The following KIAA1549 variants were observed in gnomAD, a reference collection of about 807,000 sequenced individuals.
The protein encoded by KIAA1549 is UPF0606 protein KIAA1549.
In KIAA1549, 70 loss-of-function variants were observed where a neutral mutation model predicts 156.4. That is an observed-to-expected ratio of 0.45 (90% CI 0.37 to 0.55). The LOEUF (loss-of-function observed/expected upper bound fraction) is 0.55. KIAA1549 is among the 20% of genes least tolerant of loss of function. The probability of loss-of-function intolerance (pLI) is 0.00; values close to 1 mark genes in which losing one functional copy is unlikely to be tolerated. For synonymous variants in KIAA1549, 1,103 were observed against 1,066.4 expected, an observed-to-expected ratio of 1.03 and a Z score of -0.67; for missense variants, 2,428 against 2,540.9, an observed-to-expected ratio of 0.96 and a Z score of 0.96.
chr7:138,875,145 T>G (rs148362864), intron 12 of KIAA1549, among the ~76,000 whole-genome samples: 3 of 152,322 alleles, frequency 2.0e-5, no homozygotes, highest in African/African-American at 7.2e-5. Flanking sequence ...AATGATAACT[T>G]TGTCTGTGGT....
rs181773913 is a variant in KIAA1549 at position 138,951,601 on chromosome 7, G to T, written c.187+29482C>A. On this transcript the variant is annotated intron_variant, in intron 1 of 19. Coordinates refer to ENST00000422774, the MANE Select transcript of KIAA1549 (RefSeq NM_001164665.2). ...GCTATAAACCCACTTGTCAGATGACGACACCTGCTTTCCCCATAAAACTAG... is the reference window on the plus strand; with the variant it reads ...GCTATAAACCCACTTGTCAGATGACTACACCTGCTTTCCCCATAAAACTAG... 2.0e-5 allele frequency among the ~76,000 whole-genome samples: 3 copies of T among 152,214 alleles called. No individual in the cohort carries two copies. In the South Asian group the frequency reaches 6.2e-4, roughly 32 times the overall value.
intron 1 of KIAA1549, among the ~76,000 whole-genome samples, chr7:138,954,435 T>C (rs1813600226): frequency 6.6e-6 from 1 of 152,178 alleles, no homozygotes; most frequent in Non-Finnish European, 1.5e-5. Flanking sequence ...AGACCTGAAC[T>C]GCCAAACTAA....
intron 14 of KIAA1549, among the ~76,000 whole-genome samples, chr7:138,869,093 G>A (rs1013388097): frequency 3.9e-5 from 6 of 152,192 alleles, no homozygotes; most frequent in African/African-American, 7.2e-5. Context: ...GAAAACCAAC[G>A]AAGATCTGCT....
At chr7:138,856,074 C>T (rs1810381813) in intron 16 of KIAA1549, among the ~76,000 whole-genome samples, 1 of 151,272 alleles carries the variant, frequency 6.6e-6, no homozygotes. Flanking sequence ...CTCTTCCACC[C>T]AGGCCGGACT....
rs1814535932 is a variant in KIAA1549, at chr7:138,981,152, G to A, written c.118C>T (p.Arg40Cys). Reference protein sequence around the residue: ...RRPSARCARRRRPGLLLPGLW... With the variant: ...RRPSARCARRCRPGLLLPGLW... ...CCAGGAAGCAGCAGCCCCGGGCGGCGGCGGCGGGCGCAGCGGGCGGAAGGC... is the reference window on the plus strand; with the variant it reads ...CCAGGAAGCAGCAGCCCCGGGCGGCAGCGGCGGGCGCAGCGGGCGGAAGGC... Residue 40 changes from arginine to cysteine, a missense_variant, in exon 1 of 20, where the codon CGC becomes TGC. Transcript: ENST00000422774. This position sits in a 1 kb window ranked among gnomAD's most constrained non-coding sequence, Gnocchi z 4.5. 2.5e-6 allele frequency: 3 copies of A among 1,195,988 alleles called. No individual in the cohort carries two copies. Among genetic ancestry groups the A allele is most frequent in the Non-Finnish European group, 2.1e-6 (2 of 964,802 alleles). 74.1% of individuals were successfully genotyped at this position (1,195,988 alleles called of 1,614,324 possible). A position where few individuals can be genotyped will look rare whatever the true frequency, so the allele number is the denominator to read the frequency against.
At position 138,836,135 on chromosome 7, in the gene KIAA1549, T is replaced by C. The variant is rs1809699328; in HGVS notation, c.*1771A>G. ...TTTGATCAGTCAGAGCCCCAAATTC[T>C]ATAGCCCCTTATCTGTTATTTAATG... On this transcript the variant is annotated 3_prime_UTR_variant, in exon 20 of 20. Coordinates refer to ENST00000422774, the MANE Select transcript of KIAA1549 (RefSeq NM_001164665.2). 3 of 212,284 alleles carry C rather than the reference T, an allele frequency of 1.4e-5. No individual in the cohort carries two copies. The South Asian group carries it at 5.6e-4, about 40-fold the overall frequency. 13.2% of individuals were successfully genotyped at this position (212,284 alleles called of 1,614,324 possible). A position where few individuals can be genotyped will look rare whatever the true frequency, so the allele number is the denominator to read the frequency against.
At chr7:138,965,079 G>C (rs530858157) in intron 1 of KIAA1549, among the ~76,000 whole-genome samples, 1 of 151,592 alleles carries the variant, frequency 6.6e-6, no homozygotes, top group African/African-American at 2.4e-5. Flanking sequence ...TCCCTCTTCA[G>C]CCTCCTTCAG....
chr7:138,908,292 C>CA (rs1329573342), intron 5 of KIAA1549, among the ~76,000 whole-genome samples: 1 of 152,060 alleles, frequency 6.6e-6, no homozygotes, highest in African/African-American at 2.4e-5. Context: ...TTAACGTCCT[C>CA]AGAGACTTTT....
chr7:138,860,904 T>C (rs1810551757), intron 16 of KIAA1549, among the ~76,000 whole-genome samples: 1 of 152,228 alleles, frequency 6.6e-6, no homozygotes, highest in Admixed American at 6.5e-5. Context: ...AAAGTCCTCC[T>C]GCCTTGGCCT....
intron 1 of KIAA1549, among the ~76,000 whole-genome samples, chr7:138,931,328 T>C (rs1584765460): frequency 6.6e-6 from 1 of 152,228 alleles, no homozygotes; most frequent in Non-Finnish European, 1.5e-5. Context: ...AAGCGCAGTA[T>C]CTGCAAAGTG....
Position 138,919,175 on chromosome 7 carries a change from C to T in KIAA1549, c.451G>A (p.Ala151Thr). ...TTATCCATCTCATCGTCATTGACGG[C>T]CACCTCTTTACTCGTCACTGACACG... ...TYVSVTSKEV[A>T]VNDDEMDNFL... is the part of the protein sequence containing the mutation. Residue 151 changes from alanine (A) to threonine (T), a missense_variant, in exon 2 of 20, where the codon GCC (alanine) becomes ACC (threonine). Physicochemically the swap from Ala to Thr is moderately conservative, Grantham distance 58. Transcript: ENST00000422774. The T allele has an allele frequency of 6.2e-7, 1 of 1,614,026 alleles. No homozygotes were observed. The highest frequency in any genetic ancestry group is 8.5e-7 in the Non-Finnish European group (1 of 1,179,904).
At chr7:138,910,845 GC>G (rs2130465264) in intron 4 of KIAA1549, among the ~76,000 whole-genome samples, 1 of 150,794 alleles carries the variant, frequency 6.6e-6, no homozygotes, top group South Asian at 2.1e-4. Context: ...ACAGGTGTGA[GC>G]CACCATACCT....
chr7:138,843,042 C>T (rs1226050781), intron 18 of KIAA1549, among the ~76,000 whole-genome samples: 2 of 152,162 alleles, frequency 1.3e-5, no homozygotes, highest in Admixed American at 1.3e-4. Context: ...AACTGCCTTC[C>T]AAAAATTTAA....
intron 18 of KIAA1549, among the ~76,000 whole-genome samples, chr7:138,842,008 G>C (rs1246423527): frequency 6.6e-6 from 1 of 152,176 alleles, no homozygotes; most frequent in Admixed American, 6.5e-5. Context: ...GGAGCACCAG[G>C]TCAGTTACTG....
intron 9 of KIAA1549, among the ~76,000 whole-genome samples, chr7:138,897,867 T>A (rs982395915): frequency 6.6e-5 from 7 of 105,396 alleles, no homozygotes; most frequent in Admixed American, 3.0e-4. Context: ...CACTCCAGCC[T>A]GGGTGACAGA....
At position 138,917,371 on chromosome 7, in the gene KIAA1549, G is replaced by A. The variant is rs767309794; in HGVS notation, c.2255C>T (p.Thr752Ile). Residue 752 changes from threonine (T) to isoleucine (I), a missense_variant, in exon 2 of 20, where the codon ACC becomes ATC. Physicochemically the swap from Thr to Ile is moderately conservative, Grantham distance 89. Around this residue, in one of 5 missense-constraint regions of KIAA1549, gnomAD observed 762 missense variants for 901.6 expected, o/e 0.85. Coordinates refer to ENST00000422774, the MANE Select transcript of KIAA1549 (RefSeq NM_001164665.2). Reference protein sequence around the residue: ...AHFTSAFIETTSYLESSLISH... With the variant: ...AHFTSAFIETISYLESSLISH... Reference sequence around the variant, plus strand: ...AATGAGTGAAGACTCAAGATAGGAGGTAGTTTCAATGAAAGCTGAGGTAAA... The same window carrying A: ...AATGAGTGAAGACTCAAGATAGGAGATAGTTTCAATGAAAGCTGAGGTAAA... The A allele has an allele frequency of 9.3e-6, 15 of 1,613,960 alleles. No individual in the cohort carries two copies. Among genetic ancestry groups the A allele is most frequent in the South Asian group, 6.6e-5 (6 of 91,080 alleles).
At chr7:138,976,847 G>A (rs1019141880) in intron 1 of KIAA1549, among the ~76,000 whole-genome samples, 6 of 152,208 alleles carry the variant, frequency 3.9e-5, no homozygotes, top group African/African-American at 1.4e-4. Context: ...AAGATTCCCA[G>A]GCACTGCCAC....
At chr7:138,961,833 CTCTG>C (rs1006918225) in intron 1 of KIAA1549, among the ~76,000 whole-genome samples, 1 of 135,654 alleles carries the variant, frequency 7.4e-6, no homozygotes, top group Non-Finnish European at 1.5e-5. Context: ...CAGATAGAGG[CTCTG>C]TCTCTTAAGA....
intron 13 of KIAA1549, 29 bp from the exon 14 acceptor site, chr7:138,869,790 GC>G (rs777043746): frequency 7.7e-6 from 12 of 1,549,782 alleles, no homozygotes; most frequent in Non-Finnish European, 1.1e-5. Context: ...GAGAAAGACA[GC>G]CATAGAGGTC....
Sources: gnomAD v4.1 joint callset for allele counts (sites outside exome capture counted in the v4.1 genomes callset) on GRCh38, gnomAD v4.1.1 for gene constraint, gnomAD v4.1.1 regional missense constraint, Gnocchi (gnomAD v3.1) non-coding constraint, MANE v1.5 for transcripts, NCBI Gene and HGNC (gene_info 2026-07-23, HGNC 2026-07-21) for gene names.